The following EXTL3 variants were observed in gnomAD, a reference collection of about 807,000 sequenced individuals.
EXTL3 encodes exostosin like glycosyltransferase 3.
Under a neutral mutation model 69.3 loss-of-function variants are expected in EXTL3, and 27 were observed. The observed-to-expected ratio is 0.39, with a 90% CI of 0.29 to 0.54. The LOEUF (loss-of-function observed/expected upper bound fraction) is 0.54, where lower values mean the gene tolerates loss of function less well. Ranked by LOEUF, EXTL3 falls within the 20% of genes least tolerant of loss-of-function variation. EXTL3 has a pLI of 0.69. For synonymous variants in EXTL3, 511 were observed against 499.4 expected (o/e 1.02, Z -0.31); for missense variants, 1,003 against 1,231.8 (o/e 0.81, Z 2.78).
chr8:28,728,033 G>T (rs1035085691), intron 3 of EXTL3, among the ~76,000 whole-genome samples: 4 of 152,174 alleles, frequency 2.6e-5, no homozygotes, highest in African/African-American at 9.7e-5. Flanking sequence ...GCTGTGTGAG[G>T]GGGAGCTTTG....
chr8:28,649,959 G>T (rs551144999), intron 1 of EXTL3, among the ~76,000 whole-genome samples: 1 of 152,038 alleles, frequency 6.6e-6, no homozygotes, highest in African/African-American at 2.4e-5. Flanking sequence ...CACTTTGGGA[G>T]GCTGAGGCAG....
intron 1 of EXTL3, among the ~76,000 whole-genome samples, chr8:28,707,228 G>A (rs1028682645): frequency 2.0e-5 from 3 of 152,202 alleles, no homozygotes; most frequent in Admixed American, 6.5e-5. Context: ...TAAACAAATG[G>A]TAGATAAGCA....
intron 2 of EXTL3, among the ~76,000 whole-genome samples, chr8:28,608,633 C>A (rs1347321107): frequency 2.0e-5 from 3 of 151,798 alleles, no homozygotes; most frequent in African/African-American, 7.3e-5. Context: ...GAGGCCGAAG[C>A]GGGGGGATCA....
In EXTL3 at chr8:28,717,165, G is replaced by A. The variant is rs746252946; in HGVS notation, c.1106G>A (p.Gly369Asp). 6.2e-7 allele frequency: 1 copy of A among 1,614,208 alleles called. No individual in the cohort carries two copies. The highest frequency in any genetic ancestry group is 1.1e-5 in the South Asian group (1 of 91,086). The change falls in exon 3 of 7, where the codon GGC (glycine) becomes GAC (aspartate). Residue 369 changes from glycine to aspartate, a missense_variant. This residue lies in a region of EXTL3 where 742 missense variants were observed against 815.4 expected (regional missense o/e 0.91). Transcript: ENST00000220562. The surrounding 1 kb of genome is among the most constrained non-coding windows in gnomAD (Gnocchi z 8.3). ...CGCTCCTTCGAAGAGGAAATGGAGGGCGACCCTCCCGCCGACTACGATGAC... is the reference window on the plus strand; with the variant it reads ...CGCTCCTTCGAAGAGGAAATGGAGGACGACCCTCCCGCCGACTACGATGAC... ...EARSFEEEMEGDPPADYDDRI... is the reference protein window; with the variant it reads ...EARSFEEEMEDDPPADYDDRI...
chr8:28,725,199 A>G (rs1453007185), intron 3 of EXTL3, among the ~76,000 whole-genome samples: 1 of 152,136 alleles, frequency 6.6e-6, no homozygotes, highest in Non-Finnish European at 1.5e-5. Flanking sequence ...GGGCATTTCA[A>G]GTGTATTTAA....
intron 1 of EXTL3, among the ~76,000 whole-genome samples, chr8:28,695,614 T>G (rs1466397172): frequency 6.6e-6 from 1 of 152,214 alleles, no homozygotes; most frequent in Non-Finnish European, 1.5e-5. Flanking sequence ...TGCCCAGAAA[T>G]TCTTTCTTGC....
chr8:28,674,810 C>T (rs1050700444), intron 1 of EXTL3, among the ~76,000 whole-genome samples: 1 of 152,172 alleles, frequency 6.6e-6, no homozygotes, highest in Non-Finnish European at 1.5e-5. Context: ...TCCCAACAAC[C>T]CCAGCAACAG....
chr8:28,742,127 T>C (rs1478767804), intron 5 of EXTL3: 2 of 152,200 alleles, frequency 1.3e-5, no homozygotes, highest in East Asian at 1.9e-4. Flanking sequence ...CACCATTACA[T>C]AGTAATTTCA....
At chr8:28,608,887 C>A (rs1440226390) in intron 2 of EXTL3, among the ~76,000 whole-genome samples, 2 of 151,936 alleles carry the variant, frequency 1.3e-5, no homozygotes, top group African/African-American at 2.4e-5. Flanking sequence ...AAAACAAAAA[C>A]ACACATGCAC....
At chr8:28,622,341 G>C (rs1013047776), upstream of EXTL3, among the ~76,000 whole-genome samples, 9 of 152,220 alleles carry the variant, frequency 5.9e-5, no homozygotes, top group African/African-American at 2.2e-4. Context: ...GTGCCGTATA[G>C]CCCTCCGCCG....
intron 1 of EXTL3, among the ~76,000 whole-genome samples, chr8:28,658,203 TGGG>T (rs11344325): frequency 6.6e-6 from 1 of 151,702 alleles, no homozygotes; most frequent in South Asian, 2.1e-4. Context: ...GGACGGTGGG[TGGG>T]GGGGGTCCCT....
chr8:28,676,631 A>T (rs1283328336), intron 1 of EXTL3, among the ~76,000 whole-genome samples: 1 of 152,234 alleles, frequency 6.6e-6, no homozygotes, highest in Non-Finnish European at 1.5e-5. Flanking sequence ...ATGTTAAAAC[A>T]CACAAATAAC....
intron 1 of EXTL3, among the ~76,000 whole-genome samples, chr8:28,633,955 GA>G (rs1806613556): frequency 6.6e-6 from 1 of 152,154 alleles, no homozygotes; most frequent in Non-Finnish European, 1.5e-5. Context: ...GCCCAGGGGT[GA>G]CTTTTCAGAC....
In EXTL3 at chr8:28,717,598, C is replaced by T. The variant is rs141360609; in HGVS notation, c.1539C>T (p.Arg513=). 37 of 1,614,126 alleles carry T rather than the reference C, an allele frequency of 2.3e-5. No homozygotes were observed. The African/African-American group carries it at 3.9e-4, about 17-fold the overall frequency. ...SDLLAMRRQG[R]FLWETYFSTA... is the part of the protein sequence containing the mutation. ...TCCTGGCTATGAGGCGGCAAGGCCG[C>T]TTTCTCTGGGAGACTTACTTCTCCA... is the stretch of plus-strand genomic sequence containing the variant. The change falls in exon 3 of 7, where the codon CGC becomes CGT. Residue 513 remains arginine (R), a synonymous_variant. Transcript: ENST00000220562. The surrounding 1 kb of genome is among the most constrained non-coding windows in gnomAD (Gnocchi z 8.3).
At chr8:28,693,785 T>G (rs1800650282) in intron 1 of EXTL3, among the ~76,000 whole-genome samples, 1 of 152,200 alleles carries the variant, frequency 6.6e-6, no homozygotes, top group Non-Finnish European at 1.5e-5. Context: ...CCTTTTGGCT[T>G]TTTGGCACTG....
In EXTL3 at chr8:28,656,883, G is replaced by GTCTT. The variant is rs150342301; in HGVS notation, c.-53+34098_-53+34101dup. 6.5e-3 allele frequency among the ~76,000 whole-genome samples: 985 copies of GTCTT among 151,364 alleles called. 7 individuals carry two copies. Among genetic ancestry groups the GTCTT allele is most frequent in the Middle Eastern group, 0.017 (5 of 294 alleles). ...ATGAATGTGACCATTATTATGGTTG[G>GTCTT]TCTTTCTTTCTTTCTTTCTTTCTTT... On this transcript the variant is annotated intron_variant, in intron 1 of 6. Coordinates refer to the EXTL3 transcript ENST00000523149.
chr8:28,667,980 T>G (rs1012089831), intron 1 of EXTL3, among the ~76,000 whole-genome samples: 2 of 152,090 alleles, frequency 1.3e-5, no homozygotes, highest in South Asian at 4.1e-4. Flanking sequence ...AAAAGCAGCC[T>G]GGGCAAGCTC....
At chr8:28,628,567 C>T (rs1464118780) in intron 1 of EXTL3, among the ~76,000 whole-genome samples, 1 of 152,114 alleles carries the variant, frequency 6.6e-6, no homozygotes, top group Non-Finnish European at 1.5e-5. Flanking sequence ...ATTTTATGTT[C>T]AATCTATTTT....
At position 28,754,402 on chromosome 8, in the gene EXTL3, G is replaced by C. The variant is rs1215046688; in HGVS notation, c.*3536G>C. ...GGTCACACTGACAGTCCTAAGAATG[G>C]GTGAGACTTAACAGTCGGTGTCCCT... On this transcript the variant is annotated 3_prime_UTR_variant, in exon 7 of 7. Transcript: ENST00000220562. 6.6e-6 allele frequency: 1 copy of C among 152,276 alleles called. No homozygotes were observed. Among genetic ancestry groups the C allele is most frequent in the Admixed American group, 6.6e-5 (1 of 15,208 alleles). 9.4% of individuals were successfully genotyped at this position (152,276 alleles called of 1,614,324 possible). A position where few individuals can be genotyped will look rare whatever the true frequency, so the allele number is the denominator to read the frequency against.
Sources: allele counts gnomAD v4.1 joint callset (sites outside exome capture counted in the v4.1 genomes callset), GRCh38; gene constraint gnomAD v4.1.1; regional missense constraint gnomAD v4.1.1; non-coding constraint Gnocchi (gnomAD v3.1); transcripts MANE v1.5; gene names NCBI Gene and HGNC (gene_info 2026-07-23, HGNC 2026-07-21).